Variants in GRID2 observed in about 807,000 individuals in gnomAD.
GRID2 encodes the protein glutamate ionotropic receptor delta type subunit 2, also known as glutamate receptor ionotropic, delta-2.
In GRID2, 33 loss-of-function variants were observed where a neutral mutation model predicts 114.8. The ratio of observed to expected loss-of-function variants is 0.29; its 90% CI spans 0.22 to 0.38. The LOEUF (loss-of-function observed/expected upper bound fraction) is 0.38, where lower values mean the gene tolerates loss of function less well. GRID2 is among the 10% of genes least tolerant of loss of function. The probability of loss-of-function intolerance (pLI) is 1.00; values close to 1 mark genes in which losing one functional copy is unlikely to be tolerated. For missense variants in GRID2, 1,184 were observed against 1,257.7 expected, an observed-to-expected ratio of 0.94 and a Z score of 0.89; for synonymous variants, 505 against 449.9, an observed-to-expected ratio of 1.12 and a Z score of -1.55.
At chr4:92,723,107 T>A (rs1365908816) in intron 2 of GRID2, among the ~76,000 whole-genome samples, 1 of 152,100 alleles carries the variant, frequency 6.6e-6, no homozygotes. Context: ...GCCTTAGTGA[T>A]TGACCCCCAA....
chr4:93,385,012 A>C (rs1185749693), intron 8 of GRID2, among the ~76,000 whole-genome samples: 1 of 152,154 alleles, frequency 6.6e-6, no homozygotes, highest in Non-Finnish European at 1.5e-5. Flanking sequence ...TCAATTGTTT[A>C]AATGTTTGGA....
chr4:93,689,282 C>A (rs1370572805), intron 14 of GRID2, among the ~76,000 whole-genome samples: 1 of 152,030 alleles, frequency 6.6e-6, no homozygotes, highest in African/African-American at 2.4e-5. Context: ...CAAACTAATA[C>A]AACATCTCTC....
intron 1 of GRID2, among the ~76,000 whole-genome samples, chr4:92,345,473 G>C (rs1216313592): frequency 1.3e-5 from 2 of 152,200 alleles, no homozygotes; most frequent in Non-Finnish European, 2.9e-5. Context: ...TAGATACCCA[G>C]TAGTGGGATA....
chr4:93,534,244 C>T (rs1731797341), intron 13 of GRID2, among the ~76,000 whole-genome samples: 1 of 152,134 alleles, frequency 6.6e-6, no homozygotes, highest in Non-Finnish European at 1.5e-5. Flanking sequence ...GCATATGTCA[C>T]TTACTAATAT....
chr4:92,685,563 G>T (rs1170310433), intron 2 of GRID2, among the ~76,000 whole-genome samples: 1 of 151,934 alleles, frequency 6.6e-6, no homozygotes, highest in African/African-American at 2.4e-5. Context: ...AATTTAAATG[G>T]ATATAATACT....
intron 2 of GRID2, among the ~76,000 whole-genome samples, chr4:92,816,663 T>C (rs1036546996): frequency 5.3e-5 from 8 of 152,154 alleles, no homozygotes; most frequent in Non-Finnish European, 1.2e-4. Flanking sequence ...AGTTCTGGCA[T>C]TTGATTCATG....
At chr4:92,877,786 C>T (rs955507710) in intron 2 of GRID2, among the ~76,000 whole-genome samples, 2 of 152,108 alleles carry the variant, frequency 1.3e-5, no homozygotes, top group Non-Finnish European at 2.9e-5. Flanking sequence ...GGACAAAGAT[C>T]AAGCATCCTT....
chr4:92,524,407 C>CTTTTTTTTT (rs869060153), intron 1 of GRID2, among the ~76,000 whole-genome samples: 14 of 106,562 alleles, frequency 1.3e-4, no homozygotes, highest in African/African-American at 4.3e-4. Flanking sequence ...ATTTCCTTGT[C>CTTTTTTTTT]TTTTTTTTTT....
In GRID2 at chr4:92,572,192, A is replaced by G. The variant is rs2149193504; in HGVS notation, c.89-17939A>G. Among the ~76,000 whole-genome samples, 3 of 152,290 alleles carry G rather than the reference A, an allele frequency of 2.0e-5. 1 individual carries two copies. In the South Asian group the frequency reaches 6.2e-4, roughly 32 times the overall value. ...TCAAATAGATGCAATAAAAAATGAT[A>G]AAGGGGATATCACCACCGATCCCAC... On this transcript the variant is annotated intron_variant, in intron 1 of 15. Coordinates refer to ENST00000282020, the MANE Select transcript of GRID2 (RefSeq NM_001510.4).
At chr4:92,486,386 A>G (rs1430764600) in intron 1 of GRID2, among the ~76,000 whole-genome samples, 1 of 151,848 alleles carries the variant, frequency 6.6e-6, no homozygotes, top group African/African-American at 2.4e-5. Context: ...TTTTCCTTTC[A>G]TATACTCCTT....
At chr4:92,576,049 G>T (rs1350684308) in intron 1 of GRID2, among the ~76,000 whole-genome samples, 1 of 152,208 alleles carries the variant, frequency 6.6e-6, no homozygotes, top group East Asian at 1.9e-4. Context: ...CCACAGGCTG[G>T]AATGGCTGAG....
At chr4:92,522,147 G>A (rs887419243) in intron 1 of GRID2, among the ~76,000 whole-genome samples, 9 of 151,880 alleles carry the variant, frequency 5.9e-5, no homozygotes, top group African/African-American at 1.9e-4. Flanking sequence ...ATATATGAGC[G>A]AATTCCTGAA....
chr4:92,928,604 G>C (rs972832180), intron 2 of GRID2, among the ~76,000 whole-genome samples: 2 of 151,522 alleles, frequency 1.3e-5, no homozygotes, highest in African/African-American at 2.4e-5. Flanking sequence ...ATTTACTTGA[G>C]ATGCATTCTT....
At chr4:93,515,133 T>G in intron 12 of GRID2, 83 bp from the exon 13 acceptor site, 3 of 523,624 alleles carry the variant, frequency 5.7e-6, no homozygotes, top group Non-Finnish European at 9.7e-6. Flanking sequence ...ACATATTGCC[T>G]TTTTTTTTCT....
chr4:92,412,479 T>C (rs1337993536), intron 1 of GRID2, among the ~76,000 whole-genome samples: 2 of 152,194 alleles, frequency 1.3e-5, no homozygotes, highest in African/African-American at 4.8e-5. Context: ...AACAATGTTT[T>C]CTACAATATT....
At chr4:92,718,443 C>T (rs902992235) in intron 2 of GRID2, among the ~76,000 whole-genome samples, 1 of 151,892 alleles carries the variant, frequency 6.6e-6, no homozygotes, top group Non-Finnish European at 1.5e-5. Context: ...TTTATAGATG[C>T]ACACATTTAT....
At chr4:93,348,985 T>C (rs1760518445) in intron 8 of GRID2, among the ~76,000 whole-genome samples, 2 of 152,250 alleles carry the variant, frequency 1.3e-5, no homozygotes, top group South Asian at 4.1e-4. Context: ...ATTTATTAGC[T>C]TGGATATTCT....
intron 13 of GRID2, among the ~76,000 whole-genome samples, chr4:93,563,952 GA>G (rs1735159307): frequency 6.6e-6 from 1 of 151,694 alleles, no homozygotes; most frequent in South Asian, 2.1e-4. Context: ...ATTAAATAAT[GA>G]AAAAAATAAA....
intron 2 of GRID2, among the ~76,000 whole-genome samples, chr4:92,950,821 A>C (rs554739280): frequency 6.6e-6 from 1 of 152,270 alleles, no homozygotes; most frequent in Admixed American, 6.5e-5. Context: ...GGTAAAAGAG[A>C]AGAAGAGTTT....
Sources: allele counts gnomAD v4.1 joint callset (sites outside exome capture counted in the v4.1 genomes callset), GRCh38; gene constraint gnomAD v4.1.1; transcripts MANE v1.5; gene names NCBI Gene and HGNC (gene_info 2026-07-23, HGNC 2026-07-21).